The following IL4R variants were observed in gnomAD, a reference collection of about 807,000 sequenced individuals.
IL4R encodes the protein interleukin 4 receptor.
In IL4R, 17 loss-of-function variants were observed where a neutral mutation model predicts 41.5. That is an observed-to-expected ratio of 0.41 (90% CI 0.28 to 0.61). IL4R has a LOEUF of 0.61. Ranked by LOEUF, IL4R falls within the 20% of genes least tolerant of loss-of-function variation. The pLI is 0.31. For missense variants in IL4R, 974 were observed against 1,043.1 expected (o/e 0.93, Z 0.91); for synonymous variants, 402 against 422.9 (o/e 0.95, Z 0.61).
At chr16:27,340,300 T>C in intron 3 of IL4R, 27 bp downstream of exon 3, 1 of 1,585,238 alleles carries the variant, frequency 6.3e-7, no homozygotes, top group Non-Finnish European at 8.7e-7. Flanking sequence ...CAATCATTCA[T>C]TTGTTGGCTA....
In IL4R at chr16:27,313,983, T is replaced by C. The variant is rs2084546130; in HGVS notation, c.-189T>C. 4 of 984,318 alleles carry C rather than the reference T, an allele frequency of 4.1e-6. No individual in the cohort carries two copies. The highest frequency in any genetic ancestry group is 5.2e-4 in the Middle Eastern group (1 of 1,932). 61.0% of individuals were successfully genotyped at this position (984,318 alleles called of 1,614,324 possible). Reference sequence around the variant, plus strand: ...CACCCAGGGGTCCCCCACTTCCCGCTTGGGCGCCCGGACGGCGAATGGAGC... The same window carrying C: ...CACCCAGGGGTCCCCCACTTCCCGCCTGGGCGCCCGGACGGCGAATGGAGC... On this transcript the variant is annotated 5_prime_UTR_variant, in exon 1 of 11. Coordinates refer to ENST00000395762, the MANE Select transcript of IL4R (RefSeq NM_000418.4).
chr16:27,315,443 CAG>C (rs2084614941), intron 1 of IL4R: 1 of 152,474 alleles, frequency 6.6e-6, no homozygotes, highest in Non-Finnish European at 1.5e-5. Flanking sequence ...TGCAGGAAGA[CAG>C]ACGTGAGGGC....
intron 7 of IL4R, among the ~76,000 whole-genome samples, chr16:27,353,311 A>C (rs2085943636): frequency 6.6e-6 from 1 of 152,314 alleles, no homozygotes; most frequent in African/African-American, 2.4e-5. Flanking sequence ...TGACAGAGCA[A>C]GAGCCCATCT....
intron 1 of IL4R, among the ~76,000 whole-genome samples, chr16:27,322,566 T>C (rs1489000386): frequency 2.0e-5 from 3 of 152,026 alleles, no homozygotes; most frequent in African/African-American, 7.2e-5. Flanking sequence ...AAAAATTAGC[T>C]GGGTGTGGTG....
intron 2 of IL4R, among the ~76,000 whole-genome samples, chr16:27,330,437 T>G (rs756745927): frequency 6.6e-6 from 1 of 151,460 alleles, no homozygotes; most frequent in Non-Finnish European, 1.5e-5. Flanking sequence ...GAGAGACCCC[T>G]GCTTCTATGC....
At position 27,362,676 on chromosome 16, in the gene IL4R, C is replaced by T. The variant is rs1567338898; in HGVS notation, c.1324C>T (p.His442Tyr). Residue 442 changes from histidine to tyrosine, a missense_variant, in exon 11 of 11, where the codon CAC becomes TAC. This residue lies in a region of IL4R where 682 missense variants were observed against 704.3 expected (regional missense o/e 0.97). Transcript: ENST00000395762. ...LLPPSGSTSA[H>Y]MPWDEFPSAG... is the part of the protein sequence containing the mutation. ...TCCACCTTCGGGAAGTACGAGTGCTCACATGCCCTGGGATGAGTTCCCAAG... is the reference window on the plus strand; with the variant it reads ...TCCACCTTCGGGAAGTACGAGTGCTTACATGCCCTGGGATGAGTTCCCAAG... The T allele has an allele frequency of 6.2e-7, 1 of 1,614,128 alleles. No homozygotes were observed.
rs1479290106 is a variant in IL4R at position 27,331,048 on chromosome 16, A to G, written c.-19+850A>G. ...TCTGCAGCAACTGCTAACTGCCCAC[A>G]TCCCCCCAGACTTCTCAAAAATTTG... On this transcript the variant is annotated intron_variant, in intron 2 of 10. Coordinates refer to ENST00000395762, the MANE Select transcript of IL4R (RefSeq NM_000418.4). Among the ~76,000 whole-genome samples the G allele has an allele frequency of 3.4e-5, 5 of 149,162 alleles. No homozygotes were observed. In the South Asian group the frequency reaches 8.4e-4, roughly 25 times the overall value.
intron 2 of IL4R, chr16:27,334,547 T>C (rs2085200446): frequency 6.6e-6 from 1 of 152,148 alleles, no homozygotes; most frequent in Non-Finnish European, 1.5e-5. Flanking sequence ...ATGAAAGTCT[T>C]CTGCTGTGTG....
chr16:27,355,623 C>G (rs919833193), intron 7 of IL4R, 185 bp from the exon 8 acceptor site: 8 of 542,596 alleles, frequency 1.5e-5, no homozygotes, highest in Non-Finnish European at 2.7e-5. Context: ...ATGAGGTGGC[C>G]GGTGTGACGA....
intron 7 of IL4R, 70 bp downstream of exon 7, chr16:27,352,766 C>G: frequency 6.7e-7 from 1 of 1,488,494 alleles, no homozygotes; most frequent in Non-Finnish European, 9.3e-7. Flanking sequence ...AGACACTTCC[C>G]CTGGCTGAGT....
chr16:27,360,995 C>A lies in IL4R; in HGVS notation c.899+180C>A, dbSNP rs3024669. ...CTGGAAACGTGGACTGCTGGCCAAG[C>A]CCCCTGAGTTTCACTGGTGTGTCAG... On this transcript the variant is annotated intron_variant, in intron 10 of 10. Transcript: ENST00000395762. 4.4e-3 allele frequency: 6,466 copies of A among 1,475,502 alleles called. 206 individuals are homozygous for A. The African/African-American group carries it at 0.077, about 18-fold the overall frequency. The allele number at this position is 1,475,502 out of a possible 1,614,324, so 91.4% of individuals were successfully genotyped here. A position where few individuals can be genotyped will look rare whatever the true frequency, so the allele number is the denominator to read the frequency against.
At chr16:27,339,001 C>G (rs112696236) in intron 2 of IL4R, among the ~76,000 whole-genome samples, 28 of 151,974 alleles carry the variant, frequency 1.8e-4, no homozygotes, top group South Asian at 8.3e-4. Context: ...ATTACAGGTG[C>G]CCGCCACCAC....
At position 27,363,881 on chromosome 16, in the gene IL4R, A is replaced by G. The variant is rs573067454; in HGVS notation, c.*51A>G. ...TGCAGATGAGGACTAGGGCTTATCC[A>G]TGCCTGGGAAATGCCACCTCCTGGA... On this transcript the variant is annotated 3_prime_UTR_variant, in exon 11 of 11. Coordinates refer to ENST00000395762, the MANE Select transcript of IL4R (RefSeq NM_000418.4). 7 of 1,524,930 alleles carry G rather than the reference A, an allele frequency of 4.6e-6. No individual in the cohort carries two copies. In the Admixed American group the frequency reaches 1.0e-4, roughly 22 times the overall value. The allele number at this position is 1,524,930 out of a possible 1,614,324, so 94.5% of individuals were successfully genotyped here.
intron 10 of IL4R, among the ~76,000 whole-genome samples, chr16:27,361,492 G>C (rs982827295): frequency 6.6e-6 from 1 of 151,926 alleles, no homozygotes; most frequent in Non-Finnish European, 1.5e-5. Flanking sequence ...ACAAGCTCTC[G>C]CTGTGTTGCC....
intron 3 of IL4R, among the ~76,000 whole-genome samples, chr16:27,341,644 T>C (rs3024541): frequency 0.019 from 2,862 of 152,024 alleles, 83 homozygotes; most frequent in African/African-American, 0.065. Context: ...AACCGGAAAC[T>C]AAAGGCCAAG....
intron 6 of IL4R, among the ~76,000 whole-genome samples, chr16:27,351,143 C>T (rs776646392): frequency 1.3e-5 from 2 of 152,166 alleles, no homozygotes; most frequent in African/African-American, 2.4e-5. Flanking sequence ...GGAAGGGTCA[C>T]TTCTAAGCTC....
At chr16:27,314,191 C>A in intron 1 of IL4R, 171 bp downstream of exon 1, 1 of 846,466 alleles carries the variant, frequency 1.2e-6, no homozygotes, top group Non-Finnish European at 1.4e-6. Context: ...CGCCCGGTTC[C>A]GTCCTTGCCG....
chr16:27,315,549 G>C (rs1278433564), intron 1 of IL4R: 1 of 152,436 alleles, frequency 6.6e-6, no homozygotes, highest in Non-Finnish European at 1.5e-5. Flanking sequence ...CAGCACCCAG[G>C]GACCCTGAGC....
chr16:27,347,162 A>G (rs2085677216), intron 6 of IL4R, among the ~76,000 whole-genome samples: 1 of 152,126 alleles, frequency 6.6e-6, no homozygotes, highest in Non-Finnish European at 1.5e-5. Context: ...TGGTCCTGAC[A>G]TTCCCTTCAC....
Sources: gnomAD v4.1 joint callset for allele counts (sites outside exome capture counted in the v4.1 genomes callset) on GRCh38, gnomAD v4.1.1 for gene constraint, gnomAD v4.1.1 regional missense constraint, MANE v1.5 for transcripts, NCBI Gene and HGNC (gene_info 2026-07-23, HGNC 2026-07-21) for gene names.